C12orf42: variants seen among roughly 807,000 people sequenced by gnomAD.
C12orf42 encodes the protein uncharacterized protein C12orf42.
A neutral mutation model predicts 21.6 loss-of-function variants in C12orf42; 25 were observed. The observed-to-expected ratio is 1.16, with a 90% CI of 0.84 to 1.62. The LOEUF is 1.62. Among genes scored for constraint, C12orf42 ranks in the 40% most tolerant of loss-of-function variants. The pLI is 0.00. For synonymous variants in C12orf42, 174 were observed against 175.0 expected (o/e 0.99, Z 0.05); for missense variants, 483 against 459.3 (o/e 1.05, Z -0.47).
At chr12:103,351,876 A>G (rs1049092672) in intron 4 of C12orf42, among the ~76,000 whole-genome samples, 3 of 152,030 alleles carry the variant, frequency 2.0e-5, no homozygotes, top group African/African-American at 7.2e-5. Context: ...GACACAACAA[A>G]TTCCTTAAAA....
intron 3 of C12orf42, among the ~76,000 whole-genome samples, chr12:103,400,128 A>G (rs552831944): frequency 6.6e-6 from 1 of 152,170 alleles, no homozygotes; most frequent in South Asian, 2.1e-4. Flanking sequence ...GAGAGAAGAA[A>G]GAGAGAGGAA....
At chr12:103,367,381 A>C (rs1349720822) in intron 4 of C12orf42, among the ~76,000 whole-genome samples, 2 of 151,736 alleles carry the variant, frequency 1.3e-5, no homozygotes, top group South Asian at 2.1e-4. Flanking sequence ...AAATCTCACA[A>C]ATCACCACTA....
chr12:103,062,987 A>G, the C12orf42 span, among the ~76,000 whole-genome samples: 1 of 152,174 alleles, frequency 6.6e-6, no homozygotes, highest in Non-Finnish European at 1.5e-5. Context: ...AAAAGAATGG[A>G]GAACACTGAT....
chr12:103,357,098 G>C (rs2043646627), intron 4 of C12orf42, among the ~76,000 whole-genome samples: 1 of 143,570 alleles, frequency 7.0e-6, no homozygotes, highest in African/African-American at 2.6e-5. Flanking sequence ...ATTGAACAAT[G>C]AGAACACATG....
At chr12:103,281,826 GA>G (rs1041541274) in intron 4 of C12orf42, among the ~76,000 whole-genome samples, 4 of 149,016 alleles carry the variant, frequency 2.7e-5, no homozygotes, top group African/African-American at 9.9e-5. Context: ...CTGCTAGTGT[GA>G]AAAAAAAGCA....
At chr12:103,356,797 G>C (rs1296430303) in intron 4 of C12orf42, among the ~76,000 whole-genome samples, 1 of 151,952 alleles carries the variant, frequency 6.6e-6, no homozygotes, top group African/African-American at 2.4e-5. Flanking sequence ...ATTTTTTCAC[G>C]TGTTTTTTGG....
At chr12:103,544,200 G>A in the C12orf42 span, among the ~76,000 whole-genome samples, 2 of 152,078 alleles carry the variant, frequency 1.3e-5, no homozygotes, top group African/African-American at 4.8e-5. Flanking sequence ...CTTATAATAA[G>A]AGTCTCTTGG....
chr12:103,385,304 G>A (rs945802195), intron 3 of C12orf42, among the ~76,000 whole-genome samples: 1 of 152,178 alleles, frequency 6.6e-6, no homozygotes, highest in African/African-American at 2.4e-5. Context: ...ATTGTGTGGG[G>A]TTTTATTGTC....
chr12:103,294,431 A>AAAGAAAGAAAGT (rs1491105439), intron 4 of C12orf42, among the ~76,000 whole-genome samples: 1 of 81,074 alleles, frequency 1.2e-5, no homozygotes, highest in Admixed American at 1.2e-4. Flanking sequence ...GGAGAGAGAG[A>AAAGAAAGAAAGT]AAGAAAGAAA....
chr12:103,337,615 G>C lies in C12orf42; in HGVS notation c.260-31270C>G, dbSNP rs538929596. Among the ~76,000 whole-genome samples, 507 of 152,284 alleles carry C rather than the reference G, an allele frequency of 3.3e-3. 3 individuals are homozygous for C. Among genetic ancestry groups the C allele is most frequent in the African/African-American group, 0.012 (480 of 41,574 alleles). ...GATCTGCCAGCCTTGGCCTCCCAAA[G>C]TGCTGGGATTACAGGTGTGAGCCAC... On this transcript the variant is annotated intron_variant, in intron 4 of 5. Transcript: ENST00000548883.
chr12:103,326,557 G>A (rs2040730933), intron 4 of C12orf42, among the ~76,000 whole-genome samples: 1 of 152,062 alleles, frequency 6.6e-6, no homozygotes. Flanking sequence ...TCTGCCTTTT[G>A]CACTCCACTC....
At chr12:103,507,173 T>TTA in the C12orf42 span, among the ~76,000 whole-genome samples, 2 of 21,558 alleles carry the variant, frequency 9.3e-5, no homozygotes, top group African/African-American at 5.9e-4. Flanking sequence ...TAATATATAT[T>TTA]TATATTATAT....
chr12:103,234,729 A>G (rs1371407958), downstream of C12orf42, among the ~76,000 whole-genome samples: 1 of 152,042 alleles, frequency 6.6e-6, no homozygotes, highest in Non-Finnish European at 1.5e-5. Context: ...TCTTTCCCCA[A>G]CCCACAGACA....
chr12:103,488,361 T>TGGCTTCCCTTAACATTTTTCTTAACA (rs1954974627), intron 1 of C12orf42, among the ~76,000 whole-genome samples: 1 of 152,234 alleles, frequency 6.6e-6, no homozygotes, highest in South Asian at 2.1e-4. Flanking sequence ...TAACCCAACC[T>TGGCTTCCCTTAACATTTTTCTTAACA]TTCTCTCTGG....
Position 103,445,925 on chromosome 12 carries a change from A to G in C12orf42, c.78+32424T>C, listed in dbSNP as rs1592847395. ...ATTGCTCTTGAATTGGTTTTTGTAT[A>G]TGGCAAGAGGCGAAAGTCAACTTCC... is the stretch of plus-strand genomic sequence containing the variant. On this transcript the variant is annotated intron_variant, in intron 2 of 5. Coordinates refer to ENST00000548883, the MANE Select transcript of C12orf42 (RefSeq NM_198521.5). 2.0e-5 allele frequency among the ~76,000 whole-genome samples: 3 copies of G among 152,052 alleles called. No homozygotes were observed. The South Asian group carries it at 6.2e-4, about 31-fold the overall frequency.
intron 3 of C12orf42, among the ~76,000 whole-genome samples, chr12:103,383,540 A>T (rs973748755): frequency 4.6e-5 from 7 of 152,220 alleles, no homozygotes; most frequent in African/African-American, 1.7e-4. Flanking sequence ...TTGTACATGT[A>T]TCTCTGTACA....
the C12orf42 span, among the ~76,000 whole-genome samples, chr12:103,221,663 G>A: frequency 3.6e-4 from 55 of 152,252 alleles, no homozygotes; most frequent in African/African-American, 1.2e-3. Context: ...ACAGAGAAAG[G>A]CATTGGTTTG....
At chr12:103,470,414 G>A (rs966498439) in intron 2 of C12orf42, among the ~76,000 whole-genome samples, 3 of 152,240 alleles carry the variant, frequency 2.0e-5, no homozygotes, top group East Asian at 1.9e-4. Flanking sequence ...ATGACTCCTC[G>A]TGGTCTCTAC....
At chr12:103,508,874 T>A in the C12orf42 span, among the ~76,000 whole-genome samples, 1 of 152,214 alleles carries the variant, frequency 6.6e-6, no homozygotes, top group Non-Finnish European at 1.5e-5. Flanking sequence ...GGCAATCATG[T>A]AAGAACTAAT....
Sources: allele counts gnomAD v4.1 joint callset (sites outside exome capture counted in the v4.1 genomes callset), GRCh38; gene constraint gnomAD v4.1.1; transcripts MANE v1.5; gene names NCBI Gene and HGNC (gene_info 2026-07-23, HGNC 2026-07-21).